Variants in CRLF3 observed in about 807,000 individuals in gnomAD.
The protein encoded by CRLF3 is cytokine receptor-like factor 3.
Under a neutral mutation model 55.0 loss-of-function variants are expected in CRLF3, and 33 were observed. The observed-to-expected ratio is 0.60, with a 90% CI of 0.46 to 0.80. The LOEUF is 0.80. Ranked by LOEUF, CRLF3 falls within the 30% of genes least tolerant of loss-of-function variation. CRLF3 has a pLI of 0.00. For synonymous variants in CRLF3, 238 were observed against 196.8 expected, an observed-to-expected ratio of 1.21 and a Z score of -1.75; for missense variants, 494 against 538.4, an observed-to-expected ratio of 0.92 and a Z score of 0.82.
At chr17:30,788,010 A>C (rs1464111950) in intron 6 of CRLF3, among the ~76,000 whole-genome samples, 1 of 150,382 alleles carries the variant, frequency 6.6e-6, no homozygotes, top group Non-Finnish European at 1.5e-5. Context: ...AAACAAAAAG[A>C]GGGGGAGAGC....
At chr17:30,801,056 G>A (rs949009826) in intron 2 of CRLF3, 1 of 152,206 alleles carries the variant, frequency 6.6e-6, no homozygotes, top group Admixed American at 6.6e-5. Flanking sequence ...TTACAGGTGT[G>A]AGCCACTGTG....
intron 1 of CRLF3, among the ~76,000 whole-genome samples, chr17:30,817,246 T>C (rs1904835440): frequency 6.6e-6 from 1 of 152,048 alleles, no homozygotes; most frequent in African/African-American, 2.4e-5. Context: ...AAGACCAGCA[T>C]GGGCAATATG....
At chr17:30,815,791 G>A (rs961370006) in intron 1 of CRLF3, among the ~76,000 whole-genome samples, 66 of 150,114 alleles carry the variant, frequency 4.4e-4, no homozygotes, top group African/African-American at 1.4e-3. Context: ...TGATCCGCCC[G>A]CCTTGGCCTC....
chr17:30,822,082 G>T (rs200646267), intron 1 of CRLF3, among the ~76,000 whole-genome samples: 20 of 122,098 alleles, frequency 1.6e-4, no homozygotes, highest in African/African-American at 6.3e-4. Context: ...AAAAAAAAAA[G>T]AAAAGAAATC....
Position 30,814,612 on chromosome 17 carries a change from G to A in CRLF3, c.129+9911C>T, listed in dbSNP as rs369390419. Among the ~76,000 whole-genome samples, 130 of 151,578 alleles carry A rather than the reference G, an allele frequency of 8.6e-4. 2 individuals carry two copies. The South Asian group carries it at 0.02, about 23-fold the overall frequency. On this transcript the variant is annotated intron_variant, in intron 1 of 7. Coordinates refer to ENST00000324238, the MANE Select transcript of CRLF3 (RefSeq NM_015986.4). ...GCAGAGGTTACGCTGAGCTGAGATC[G>A]TGCCACTGCACTCCAGCCTGGGTGA...
intron 1 of CRLF3, among the ~76,000 whole-genome samples, chr17:30,823,840 G>T (rs1222124462): frequency 1.3e-5 from 2 of 151,644 alleles, no homozygotes; most frequent in Non-Finnish European, 2.9e-5. Context: ...CTATACCTTT[G>T]TATTCCCTCT....
At chr17:30,788,281 G>A (rs750141668) in intron 6 of CRLF3, among the ~76,000 whole-genome samples, 19 of 149,036 alleles carry the variant, frequency 1.3e-4, no homozygotes, top group Non-Finnish European at 1.8e-4. Context: ...TGAGCCGATT[G>A]TGCCATTGCA....
At position 30,783,941 on chromosome 17, in the gene CRLF3, C is replaced by T; in HGVS notation, c.*246G>A. The T allele has an allele frequency of 2.4e-6, 1 of 422,702 alleles. No individual in the cohort carries two copies. Among genetic ancestry groups the T allele is most frequent in the Middle Eastern group, 6.6e-4 (1 of 1,510 alleles). The allele number at this position is 422,702 out of a possible 1,614,324, so 26.2% of individuals were successfully genotyped here. The stretch of plus-strand genomic sequence containing the variant: ...CCTATATCTTCTATACTTTTAATGC[C>T]AATTTGATTTTTATTGTGATGTGAT... On this transcript the variant is annotated 3_prime_UTR_variant, in exon 8 of 8. Transcript: ENST00000324238.
chr17:30,801,782 T>C (rs553409698), intron 2 of CRLF3, among the ~76,000 whole-genome samples: 3 of 152,010 alleles, frequency 2.0e-5, no homozygotes, highest in Non-Finnish European at 2.9e-5. Flanking sequence ...ATCTCTAACA[T>C]AGTCTCCAAA....
rs373368061 is a variant in CRLF3, at chr17:30,792,506, G to C, written c.893C>G (p.Ser298Cys). The C allele has an allele frequency of 1.2e-6, 2 of 1,612,998 alleles. No individual in the cohort carries two copies. Among genetic ancestry groups the C allele is most frequent in the Middle Eastern group, 1.7e-4 (1 of 6,058 alleles). Residue 298 changes from serine (S) to cysteine (C), a missense_variant, in exon 6 of 8, where the codon TCT becomes TGT. Transcript: ENST00000324238. ...SRRNIALRND[S>C]ESSGVLYSRA... ...GGAGTAGAGAACACCCGATGATTCA[G>C]AATCGTTCCGAAGTGCTATATTTCT...
intron 1 of CRLF3, chr17:30,809,953 A>C (rs1373681008): frequency 6.6e-6 from 1 of 152,152 alleles, no homozygotes; most frequent in Non-Finnish European, 1.5e-5. Context: ...GCTCGGCCAT[A>C]GAACACTATT....
intron 4 of CRLF3, among the ~76,000 whole-genome samples, chr17:30,794,816 C>A (rs1407034009): frequency 1.3e-5 from 2 of 151,978 alleles, no homozygotes; most frequent in Non-Finnish European, 2.9e-5. Context: ...ATAAATAAAA[C>A]CACAACAAGG....
intron 6 of CRLF3, among the ~76,000 whole-genome samples, chr17:30,788,349 GA>G (rs762486791): frequency 3.2e-3 from 476 of 147,106 alleles, no homozygotes; most frequent in South Asian, 8.6e-3. Flanking sequence ...GAAAAGAAAA[GA>G]AAAGAAAGAA....
chr17:30,824,678 C>T lies in CRLF3; in HGVS notation c.-27G>A, dbSNP rs374771374. 6.3e-7 allele frequency: 1 copy of T among 1,580,404 alleles called. No homozygotes were observed. On this transcript the variant is annotated 5_prime_UTR_variant, in exon 1 of 8. Coordinates refer to ENST00000324238, the MANE Select transcript of CRLF3 (RefSeq NM_015986.4). ...TGGCCGCGCGGCCGGCGAAACCTAG[C>T]GCGGGTTCCCGACTGCACCGGGCGC...
Position 30,796,276 on chromosome 17 carries a change from T to C in CRLF3, c.487A>G (p.Ile163Val). 5 of 1,614,138 alleles carry C rather than the reference T, an allele frequency of 3.1e-6. No homozygotes were observed. The highest frequency in any genetic ancestry group is 2.2e-5 in the South Asian group (2 of 91,082). ...PCLSAQLDDS[I>V]LNIVKDHIFK... The stretch of plus-strand genomic sequence containing the variant: ...ATGTGGTCTTTCACTATGTTAAGAA[T>C]TGAGTCATCCAACTGAGCAGATAAA... The change falls in exon 4 of 8, where the codon ATT (isoleucine) becomes GTT (valine). Residue 163 changes from isoleucine (I) to valine (V), a missense_variant. Ile to Val is a conservative substitution (Grantham distance 29). Transcript: ENST00000324238.
chr17:30,814,711 A>C (rs1904730964), intron 1 of CRLF3, among the ~76,000 whole-genome samples: 1 of 151,808 alleles, frequency 6.6e-6, no homozygotes, highest in African/African-American at 2.4e-5. Context: ...ATCTACACTA[A>C]AACAAAATTG....
chr17:30,804,717 G>C (rs1454235419), intron 1 of CRLF3, among the ~76,000 whole-genome samples: 1 of 152,034 alleles, frequency 6.6e-6, no homozygotes, highest in Non-Finnish European at 1.5e-5. Flanking sequence ...TCCATTCATT[G>C]ATAAACCAAA....
chr17:30,803,483 G>A (rs1408621514), intron 2 of CRLF3, among the ~76,000 whole-genome samples: 1 of 152,136 alleles, frequency 6.6e-6, no homozygotes, highest in African/African-American at 2.4e-5. Flanking sequence ...TCAGCAAAAT[G>A]TCAATCTGAA....
At position 30,793,434 on chromosome 17, in the gene CRLF3, A is replaced by G. The variant is rs1004524008; in HGVS notation, c.826+16T>C. 1.9e-6 allele frequency: 3 copies of G among 1,600,168 alleles called. No individual in the cohort carries two copies. Among genetic ancestry groups the G allele is most frequent in the East Asian group, 4.5e-5 (2 of 44,806 alleles). On this transcript the variant is annotated intron_variant, in intron 5 of 7. Coordinates refer to ENST00000324238, the MANE Select transcript of CRLF3 (RefSeq NM_015986.4). ...TATATAGTTAGGCTTCAGGAGAGAA[A>G]AGGTTAGCAGCATACCATGAGGCAC...
Sources: gnomAD v4.1 joint callset for allele counts (sites outside exome capture counted in the v4.1 genomes callset) on GRCh38, gnomAD v4.1.1 for gene constraint, MANE v1.5 for transcripts, NCBI Gene and HGNC (gene_info 2026-07-23, HGNC 2026-07-21) for gene names.